Variants in SH2D4B observed in about 807,000 individuals in gnomAD.
The protein encoded by SH2D4B is SH2 domain-containing protein 4B.
A neutral mutation model predicts 61.5 loss-of-function variants in SH2D4B; 45 were observed. The ratio of observed to expected loss-of-function variants is 0.73; its 90% CI spans 0.58 to 0.94. The LOEUF (loss-of-function observed/expected upper bound fraction) is 0.94, where lower values mean the gene tolerates loss of function less well. Among genes scored for constraint, SH2D4B ranks in the 40% least tolerant of loss-of-function variants. SH2D4B has a pLI of 0.00. For missense variants in SH2D4B, 572 were observed against 574.2 expected (o/e 1.00, Z 0.04); for synonymous variants, 224 against 220.4 (o/e 1.02, Z -0.14).
chr10:80,581,865 T>C (rs958362285), intron 3 of SH2D4B, among the ~76,000 whole-genome samples: 3 of 152,142 alleles, frequency 2.0e-5, no homozygotes, highest in African/African-American at 7.2e-5. Flanking sequence ...AAGACCCCAG[T>C]GGGTCAGGGG....
intron 3 of SH2D4B, among the ~76,000 whole-genome samples, chr10:80,583,827 A>G (rs1365766806): frequency 3.3e-5 from 5 of 152,358 alleles, no homozygotes; most frequent in Admixed American, 2.0e-4. Context: ...GCAAAGATGT[A>G]TTAGACTGGA....
chr10:80,589,583 C>G (rs905094609), intron 4 of SH2D4B, among the ~76,000 whole-genome samples: 2 of 152,174 alleles, frequency 1.3e-5, no homozygotes, highest in African/African-American at 4.8e-5. Context: ...TGGCTCTGTG[C>G]TAAGCCCTAG....
At chr10:80,626,081 A>G (rs1435688454) in intron 6 of SH2D4B, among the ~76,000 whole-genome samples, 2 of 152,094 alleles carry the variant, frequency 1.3e-5, no homozygotes, top group African/African-American at 2.4e-5. Flanking sequence ...TTGTAAGTCA[A>G]CTTTTTTAGG....
In SH2D4B at chr10:80,571,516, G is replaced by A. The variant is rs1842043159; in HGVS notation, c.433G>A (p.Val145Met). The A allele has an allele frequency of 6.2e-7, 1 of 1,614,036 alleles. No individual in the cohort carries two copies. Among genetic ancestry groups the A allele is most frequent in the Non-Finnish European group, 8.5e-7 (1 of 1,180,034 alleles). ...CCGGATCTTGGCGGAGAAGTGGAAA[G>A]TGGAGATGGAAGACCGCAAGGCTGC... ...KARILAEKWK[V>M]EMEDRKAAKV... The change falls in exon 3 of 8, where the codon GTG becomes ATG. Residue 145 changes from valine to methionine, a missense_variant. Val to Met is a conservative substitution (Grantham distance 21). Transcript: ENST00000646907.
chr10:80,560,959 C>T (rs898772059), intron 1 of SH2D4B, among the ~76,000 whole-genome samples: 13 of 152,056 alleles, frequency 8.5e-5, no homozygotes, highest in African/African-American at 2.2e-4. Context: ...CACACACTCT[C>T]GATAAAATCA....
In SH2D4B at chr10:80,587,269, TTTGTTGTTG is replaced by T. The variant is rs1041872651; in HGVS notation, c.496-1349_496-1341del. On this transcript the variant is annotated intron_variant, in intron 3 of 7. Coordinates refer to ENST00000646907, the MANE Select transcript of SH2D4B (RefSeq NM_001388272.1). Reference sequence around the variant, plus strand: ...TCGTGCCTCTTGAGTAACTCTTGTTTTTGTTGTTGTTGTTGTTGTTTTTTCTTTGAGATG... The same window carrying T: ...TCGTGCCTCTTGAGTAACTCTTGTTTTTGTTGTTGTTTTTTCTTTGAGATG... Among the ~76,000 whole-genome samples, 7 of 151,140 alleles carry T rather than the reference TTTGTTGTTG, an allele frequency of 4.6e-5. No individual in the cohort carries two copies. In the East Asian group the frequency reaches 1.2e-3, roughly 25 times the overall value.
At chr10:80,612,211 CT>C (rs1367396265) in intron 6 of SH2D4B, among the ~76,000 whole-genome samples, 6 of 128,698 alleles carry the variant, frequency 4.7e-5, no homozygotes, top group African/African-American at 2.0e-4. Context: ...ACTTTACTCA[CT>C]TATAAAATCC....
chr10:80,587,198 C>A (rs1485299401), intron 3 of SH2D4B, among the ~76,000 whole-genome samples: 1 of 137,468 alleles, frequency 7.3e-6, no homozygotes, highest in Admixed American at 8.3e-5. Flanking sequence ...TGCAGTGGCG[C>A]GATCTCGGCT....
At chr10:80,572,967 TATATATATATATATATA>T (rs1564771913) in intron 3 of SH2D4B, among the ~76,000 whole-genome samples, 7 of 8,852 alleles carry the variant, frequency 7.9e-4, no homozygotes, top group Non-Finnish European at 1.2e-3. Context: ...TATATATATA[TATATATATATATATATA>T]TATTTTTTTT....
At chr10:80,576,142 A>C (rs1842122637) in intron 3 of SH2D4B, among the ~76,000 whole-genome samples, 1 of 152,070 alleles carries the variant, frequency 6.6e-6, no homozygotes, top group African/African-American at 2.4e-5. Flanking sequence ...GTATGAGTGG[A>C]GGTTTTCTGG....
intron 3 of SH2D4B, among the ~76,000 whole-genome samples, chr10:80,586,940 A>G (rs188545905): frequency 0.022 from 3,282 of 151,916 alleles, 39 homozygotes; most frequent in Middle Eastern, 0.044. Context: ...CTCACCGCGG[A>G]GGTCCGCAGC....
intron 1 of SH2D4B, among the ~76,000 whole-genome samples, chr10:80,565,390 C>CTT (rs111239061): frequency 4.2e-5 from 6 of 143,082 alleles, no homozygotes; most frequent in Admixed American, 7.0e-5. Context: ...ATTTCTTTTC[C>CTT]TTTTTTTTTT....
At chr10:80,592,210 C>T (rs1345700194) in intron 4 of SH2D4B, among the ~76,000 whole-genome samples, 1 of 152,010 alleles carries the variant, frequency 6.6e-6, no homozygotes, top group Non-Finnish European at 1.5e-5. Context: ...ATGTCTATTC[C>T]AATTATTTAC....
chr10:80,581,119 G>T (rs781278578), intron 3 of SH2D4B, among the ~76,000 whole-genome samples: 1 of 152,172 alleles, frequency 6.6e-6, no homozygotes, highest in South Asian at 2.1e-4. Flanking sequence ...ACAGTAAATG[G>T]CCAGTCATTT....
intron 6 of SH2D4B, among the ~76,000 whole-genome samples, chr10:80,614,259 G>A (rs901943897): frequency 2.6e-5 from 4 of 152,180 alleles, no homozygotes; most frequent in Admixed American, 6.5e-5. Flanking sequence ...CTTGGCTTCC[G>A]GGGAGGCCTC....
At chr10:80,609,295 T>TCCCCCCCC in intron 5 of SH2D4B, 129 bp from the exon 6 acceptor site, 2 of 855,746 alleles carry the variant, frequency 2.3e-6, no homozygotes, top group East Asian at 3.1e-5. Flanking sequence ...TGCCCCTTCT[T>TCCCCCCCC]CCACCCCCCC....
intron 6 of SH2D4B, among the ~76,000 whole-genome samples, chr10:80,610,941 C>T (rs1017094457): frequency 6.6e-6 from 1 of 151,960 alleles, no homozygotes; most frequent in African/African-American, 2.4e-5. Context: ...GAGGCTGAGG[C>T]AGGAGGATCA....
chr10:80,566,652 AG>A (rs1841973020), intron 1 of SH2D4B, among the ~76,000 whole-genome samples: 1 of 152,120 alleles, frequency 6.6e-6, no homozygotes, highest in Admixed American at 6.5e-5. Flanking sequence ...TTCCTAAAAG[AG>A]GGGGGATCTC....
chr10:80,548,753 T>C (rs1318008435), intron 1 of SH2D4B, among the ~76,000 whole-genome samples: 2 of 152,206 alleles, frequency 1.3e-5, no homozygotes, highest in East Asian at 3.9e-4. Context: ...AGTCTGGGCC[T>C]CTTCCTGAGT....
Sources: allele counts gnomAD v4.1 joint callset (sites outside exome capture counted in the v4.1 genomes callset), GRCh38; gene constraint gnomAD v4.1.1; transcripts MANE v1.5; gene names NCBI Gene and HGNC (gene_info 2026-07-23, HGNC 2026-07-21).